Variants in NKAIN2 observed in about 807,000 individuals in gnomAD.
The protein encoded by NKAIN2 is sodium/potassium transporting ATPase interacting 2, also known as sodium/potassium-transporting ATPase subunit beta-1-interacting protein 2.
In NKAIN2, 14 loss-of-function variants were observed where a neutral mutation model predicts 32.6. The ratio of observed to expected loss-of-function variants is 0.43; its 90% CI spans 0.28 to 0.67. The LOEUF (loss-of-function observed/expected upper bound fraction) is 0.67, where lower values mean the gene tolerates loss of function less well. Ranked by LOEUF, NKAIN2 falls within the 30% of genes least tolerant of loss-of-function variation. The pLI is 0.17. For missense variants in NKAIN2, 198 were observed against 258.3 expected (o/e 0.77, Z 1.60); for synonymous variants, 80 against 87.2 (o/e 0.92, Z 0.46).
intron 4 of NKAIN2, among the ~76,000 whole-genome samples, chr6:124,690,529 T>C (rs1441886203): frequency 1.3e-5 from 2 of 152,218 alleles, no homozygotes; most frequent in Non-Finnish European, 2.9e-5. Context: ...AGGAATTTTC[T>C]AGTTTCTCAC....
intron 3 of NKAIN2, among the ~76,000 whole-genome samples, chr6:124,620,748 T>G (rs541527041): frequency 7.4e-4 from 112 of 152,252 alleles, no homozygotes; most frequent in African/African-American, 2.7e-3. Context: ...CCTAATAAAA[T>G]AACAAGCTCA....
rs564315798 is a variant in NKAIN2 at position 124,561,779 on chromosome 6, G to A, written c.274-96407G>A. Among the ~76,000 whole-genome samples the A allele has an allele frequency of 1.1e-4, 17 of 152,242 alleles. No homozygotes were observed. The South Asian group carries it at 1.7e-3, about 15-fold the overall frequency. The stretch of plus-strand genomic sequence containing the variant: ...ATACTGTGTTCGGCTGAAATAGCCC[G>A]TTTTGAAAATATACTGGGTGGCTCC... On this transcript the variant is annotated intron_variant, in intron 3 of 6. Transcript: ENST00000368417.
chr6:124,658,209 T>C lies in NKAIN2; in HGVS notation c.297T>C (p.Phe99=), dbSNP rs1348550853. ...LSKETDLILT[F]NISMHRSWWM... is the part of the protein sequence containing the mutation. ...AGGAAACAGACCTTATCCTGACTTT[T>C]AATATATCAATGCACCGATCTTGGT... is the stretch of plus-strand genomic sequence containing the variant. The change falls in exon 4 of 7, where the codon TTT becomes TTC. Residue 99 remains phenylalanine (F), a synonymous_variant. Transcript: ENST00000368417. 18 of 1,609,424 alleles carry C rather than the reference T, an allele frequency of 1.1e-5. No homozygotes were observed. The highest frequency in any genetic ancestry group is 1.5e-5 in the Non-Finnish European group (18 of 1,177,318).
chr6:124,269,462 T>C (rs1692110457), intron 1 of NKAIN2, among the ~76,000 whole-genome samples: 1 of 150,914 alleles, frequency 6.6e-6, no homozygotes, highest in Non-Finnish European at 1.5e-5. Context: ...TCTTTTTTTT[T>C]TCTTTTTCTT....
At chr6:124,465,972 A>C (rs543128998) in intron 3 of NKAIN2, among the ~76,000 whole-genome samples, 1 of 152,272 alleles carries the variant, frequency 6.6e-6, no homozygotes, top group South Asian at 2.1e-4. Flanking sequence ...CTTTAGGAAA[A>C]AATATATTAA....
chr6:124,512,332 C>G (rs1356180574), intron 3 of NKAIN2, among the ~76,000 whole-genome samples: 1 of 152,080 alleles, frequency 6.6e-6, no homozygotes, highest in Non-Finnish European at 1.5e-5. Context: ...ATCCTTGTCT[C>G]TTATTGGCAA....
intron 3 of NKAIN2, among the ~76,000 whole-genome samples, chr6:124,519,112 A>G (rs957223289): frequency 2.0e-5 from 3 of 152,174 alleles, no homozygotes; most frequent in African/African-American, 7.2e-5. Flanking sequence ...TTAGATCACT[A>G]CTTGTGAGAT....
At chr6:124,674,389 G>A (rs112106743) in intron 4 of NKAIN2, among the ~76,000 whole-genome samples, 1 of 151,658 alleles carries the variant, frequency 6.6e-6, no homozygotes, top group East Asian at 1.9e-4. Context: ...TTCTATTTCT[G>A]CAAAAAAGAG....
intron 3 of NKAIN2, among the ~76,000 whole-genome samples, chr6:124,485,985 C>G (rs772939366): frequency 6.6e-6 from 1 of 152,132 alleles, no homozygotes; most frequent in African/African-American, 2.4e-5. Flanking sequence ...GATGTGCCTT[C>G]GTCATTGATT....
chr6:124,375,906 A>G (rs927479), intron 3 of NKAIN2, among the ~76,000 whole-genome samples: 30,928 of 152,040 alleles, frequency 0.2, 3,345 homozygotes, highest in Admixed American at 0.29. Context: ...CATAGAGAAT[A>G]CTCTCTAGGT....
intron 1 of NKAIN2, among the ~76,000 whole-genome samples, chr6:123,924,531 T>G (rs1047086134): frequency 6.6e-6 from 1 of 152,210 alleles, no homozygotes; most frequent in African/African-American, 2.4e-5. Context: ...TAAGCTATTC[T>G]GTGGAATTTG....
chr6:124,397,748 C>G (rs140311243), intron 3 of NKAIN2, among the ~76,000 whole-genome samples: 13 of 152,048 alleles, frequency 8.5e-5, no homozygotes, highest in African/African-American at 3.1e-4. Flanking sequence ...TTATTATCTC[C>G]GTTTCAAACC....
At chr6:124,386,280 C>A (rs1388049863) in intron 3 of NKAIN2, among the ~76,000 whole-genome samples, 1 of 152,136 alleles carries the variant, frequency 6.6e-6, no homozygotes, top group Non-Finnish European at 1.5e-5. Flanking sequence ...TTTCTCAAAA[C>A]ACTCTTATAA....
intron 3 of NKAIN2, among the ~76,000 whole-genome samples, chr6:124,378,757 G>A (rs1045846894): frequency 6.6e-6 from 1 of 151,942 alleles, no homozygotes; most frequent in Non-Finnish European, 1.5e-5. Context: ...AATTTCCATG[G>A]TGGTGCTACA....
At chr6:124,392,381 C>T (rs332611) in intron 3 of NKAIN2, among the ~76,000 whole-genome samples, 111,522 of 152,138 alleles carry the variant, frequency 0.73, 41,692 homozygotes, top group African/African-American at 0.88. Context: ...ACGTTTTTCA[C>T]TTCCTCCATT....
intron 1 of NKAIN2, among the ~76,000 whole-genome samples, chr6:124,195,882 A>C (rs1250026305): frequency 6.6e-6 from 1 of 152,012 alleles, no homozygotes; most frequent in Non-Finnish European, 1.5e-5. Flanking sequence ...GTGTTGCCTC[A>C]AGTACCCCTT....
intron 2 of NKAIN2, among the ~76,000 whole-genome samples, chr6:124,296,768 A>G (rs1446153610): frequency 6.6e-6 from 1 of 152,232 alleles, no homozygotes; most frequent in Non-Finnish European, 1.5e-5. Context: ...TATTAGGAGC[A>G]ATTAAAATCA....
intron 3 of NKAIN2, among the ~76,000 whole-genome samples, chr6:124,624,685 T>TAA (rs1352689153): frequency 6.6e-6 from 1 of 152,208 alleles, no homozygotes; most frequent in Non-Finnish European, 1.5e-5. Context: ...CTTTTTAGGA[T>TAA]AAGACTCTTA....
Position 124,296,688 on chromosome 6 carries a change from C to G in NKAIN2, c.192+13546C>G, listed in dbSNP as rs536668854. On this transcript the variant is annotated intron_variant, in intron 2 of 6. Coordinates refer to ENST00000368417, the MANE Select transcript of NKAIN2 (RefSeq NM_001040214.3). Reference sequence around the variant, plus strand: ...AAAATTCCTATTATTTCCATGTTTTCAAGTGTGATCTGTGGATAAGTTATG... The same window carrying G: ...AAAATTCCTATTATTTCCATGTTTTGAAGTGTGATCTGTGGATAAGTTATG... Among the ~76,000 whole-genome samples the G allele has an allele frequency of 8.6e-4, 131 of 152,230 alleles. No individual in the cohort carries two copies. In the Middle Eastern group the frequency reaches 0.01, roughly 12 times the overall value.
Sources: allele counts gnomAD v4.1 joint callset (sites outside exome capture counted in the v4.1 genomes callset), GRCh38; gene constraint gnomAD v4.1.1; transcripts MANE v1.5; gene names NCBI Gene and HGNC (gene_info 2026-07-23, HGNC 2026-07-21).